SPDYA: variants seen among roughly 807,000 people sequenced by gnomAD.
SPDYA encodes speedy protein A.
A neutral mutation model predicts 36.7 loss-of-function variants in SPDYA; 11 were observed. That is an observed-to-expected ratio of 0.30 (90% CI 0.19 to 0.50). The LOEUF is 0.50. Ranked by LOEUF, SPDYA falls within the 20% of genes least tolerant of loss-of-function variation. The pLI, the probability that SPDYA is intolerant of heterozygous loss-of-function variation, is 0.98. For missense variants in SPDYA, 287 were observed against 370.9 expected, an observed-to-expected ratio of 0.77 and a Z score of 1.86; for synonymous variants, 115 against 118.7, an observed-to-expected ratio of 0.97 and a Z score of 0.20.
rs867420395 is a variant in SPDYA, at chr2:28,811,261, C to G, written c.-93+314C>G. On this transcript the variant is annotated intron_variant, in intron 1 of 7. Coordinates refer to ENST00000334056, the MANE Select transcript of SPDYA (RefSeq NM_182756.4). The surrounding 1 kb of genome is among the most constrained non-coding windows in gnomAD (Gnocchi z 4.2). ...GTTCCAGGGGAAGGACGGGCAGGGC[C>G]GATACCGGAGGCTGCTCCCGAAGCT... 6.6e-6 allele frequency: 1 copy of G among 152,236 alleles called. No homozygotes were observed. Among genetic ancestry groups the G allele is most frequent in the African/African-American group, 2.4e-5 (1 of 41,452 alleles). 9.4% of individuals were successfully genotyped at this position (152,236 alleles called of 1,614,324 possible).
intron 7 of SPDYA, among the ~76,000 whole-genome samples, chr2:28,845,812 T>A (rs1174705455): frequency 6.6e-6 from 1 of 152,174 alleles, no homozygotes; most frequent in Non-Finnish European, 1.5e-5. Context: ...CCCAAAGTGC[T>A]GGGATTACAG....
intron 4 of SPDYA, among the ~76,000 whole-genome samples, chr2:28,819,484 G>A (rs1456666507): frequency 6.6e-6 from 1 of 151,792 alleles, no homozygotes; most frequent in Non-Finnish European, 1.5e-5. Context: ...TTCCAGCTTG[G>A]ACAATAGAGC....
At chr2:28,839,484 G>C (rs1668693349) in intron 6 of SPDYA, among the ~76,000 whole-genome samples, 1 of 151,968 alleles carries the variant, frequency 6.6e-6, no homozygotes, top group East Asian at 1.9e-4. Context: ...ACATAGCTGG[G>C]AACCTTAATT....
At chr2:28,843,595 A>G (rs962090717) in intron 7 of SPDYA, among the ~76,000 whole-genome samples, 4 of 151,592 alleles carry the variant, frequency 2.6e-5, no homozygotes, top group African/African-American at 9.7e-5. Flanking sequence ...TAGATGAAGC[A>G]TTCTTTTTTT....
chr2:28,829,417 G>GTTT (rs369022955), intron 6 of SPDYA, 98 bp downstream of exon 6: 1,462 of 852,146 alleles, frequency 1.7e-3, no homozygotes, highest in South Asian at 2.2e-3. Context: ...GGTATTCTGG[G>GTTT]TTTTTTTTTT....
chr2:28,816,739 A>G (rs1211653509), intron 3 of SPDYA, among the ~76,000 whole-genome samples: 1 of 152,220 alleles, frequency 6.6e-6, no homozygotes, highest in Non-Finnish European at 1.5e-5. Flanking sequence ...TCATGTCCAT[A>G]TAATGAAACT....
At chr2:28,827,924 C>T (rs1341806802) in intron 5 of SPDYA, among the ~76,000 whole-genome samples, 3 of 152,084 alleles carry the variant, frequency 2.0e-5, no homozygotes, top group African/African-American at 7.2e-5. Context: ...TCTCCAATTC[C>T]GCCTGTTTCT....
chr2:28,811,452 G>A lies in SPDYA; in HGVS notation c.-93+505G>A, dbSNP rs1667841961. 6.6e-6 allele frequency among the ~76,000 whole-genome samples: 1 copy of A among 152,124 alleles called. No homozygotes were observed. The highest frequency in any genetic ancestry group is 2.1e-4 in the South Asian group (1 of 4,828). On this transcript the variant is annotated intron_variant, in intron 1 of 7. Coordinates refer to ENST00000334056, the MANE Select transcript of SPDYA (RefSeq NM_182756.4). This position sits in a 1 kb window ranked among gnomAD's most constrained non-coding sequence, Gnocchi z 4.2. ...TTTGTCCCCAAGATCGTCTGCCCCAGAATTTTGAGATCTGAGCTGCTGTGT... is the reference window on the plus strand; with the variant it reads ...TTTGTCCCCAAGATCGTCTGCCCCAAAATTTTGAGATCTGAGCTGCTGTGT...
chr2:28,848,023 G>A (rs1668926530), intron 7 of SPDYA, among the ~76,000 whole-genome samples: 1 of 152,152 alleles, frequency 6.6e-6, no homozygotes, highest in South Asian at 2.1e-4. Context: ...GTTTGTGTAA[G>A]TACACTATGT....
chr2:28,836,126 A>T (rs1052828086), intron 6 of SPDYA, among the ~76,000 whole-genome samples: 1 of 152,242 alleles, frequency 6.6e-6, no homozygotes, highest in African/African-American at 2.4e-5. Context: ...TTTTACAGAA[A>T]TTATCACACA....
chr2:28,844,606 G>A (rs1301348338), intron 7 of SPDYA, among the ~76,000 whole-genome samples: 1 of 152,180 alleles, frequency 6.6e-6, no homozygotes, highest in Non-Finnish European at 1.5e-5. Context: ...AAGCTGTGAT[G>A]TTCGGTGGTT....
At chr2:28,848,667 A>T (rs1668949061) in intron 7 of SPDYA, among the ~76,000 whole-genome samples, 1 of 152,212 alleles carries the variant, frequency 6.6e-6, no homozygotes, top group Admixed American at 6.5e-5. Flanking sequence ...ATTTACACAC[A>T]TGTATAATTT....
intron 7 of SPDYA, 93 bp from the exon 8 acceptor site, chr2:28,849,757 T>C (rs1668988988): frequency 1.2e-5 from 8 of 660,992 alleles, no homozygotes; most frequent in Non-Finnish European, 2.0e-5. Flanking sequence ...CAGATTTCCT[T>C]ATTATTTTTT....
At chr2:28,817,510 G>A (rs1320274781) in intron 3 of SPDYA, among the ~76,000 whole-genome samples, 1 of 150,418 alleles carries the variant, frequency 6.6e-6, no homozygotes, top group Non-Finnish European at 1.5e-5. Context: ...GCGGTGAGCC[G>A]AGATCGCACC....
chr2:28,811,866 G>A lies in SPDYA; in HGVS notation c.-93+919G>A, dbSNP rs951661329. On this transcript the variant is annotated intron_variant, in intron 1 of 7. Transcript: ENST00000334056. This position sits in a 1 kb window ranked among gnomAD's most constrained non-coding sequence, Gnocchi z 4.2. Reference sequence around the variant, plus strand: ...AGCTCCTCGGGAGGCTGAGGCGGGAGAATCGCTTGAACCCGGGAGGCAGAG... The same window carrying A: ...AGCTCCTCGGGAGGCTGAGGCGGGAAAATCGCTTGAACCCGGGAGGCAGAG... Among the ~76,000 whole-genome samples, 2 of 152,162 alleles carry A rather than the reference G, an allele frequency of 1.3e-5. No homozygotes were observed. Among genetic ancestry groups the A allele is most frequent in the Non-Finnish European group, 2.9e-5 (2 of 68,032 alleles).
chr2:28,821,714 T>C (rs1029755721), intron 4 of SPDYA, among the ~76,000 whole-genome samples: 1 of 152,232 alleles, frequency 6.6e-6, no homozygotes, highest in African/African-American at 2.4e-5. Flanking sequence ...TACATTATTA[T>C]AACTTGTTTT....
At chr2:28,847,745 CA>C (rs10648612) in intron 7 of SPDYA, among the ~76,000 whole-genome samples, 16 of 137,466 alleles carry the variant, frequency 1.2e-4, no homozygotes, top group South Asian at 2.4e-4. Context: ...GACTCTGTCT[CA>C]AAAAAAAAAA....
In SPDYA at chr2:28,829,281, G is replaced by T; in HGVS notation, c.514G>T (p.Asp172Tyr). The T allele has an allele frequency of 1.2e-6, 2 of 1,613,936 alleles. No individual in the cohort carries two copies. Among genetic ancestry groups the T allele is most frequent in the South Asian group, 1.1e-5 (1 of 91,040 alleles). Reference protein sequence around the residue: ...KLRDQLWDRIDYRAIVSRRCC... With the variant: ...KLRDQLWDRIYYRAIVSRRCC... ...AAGGGACCAGCTCTGGGATAGAATT[G>T]ACTATAGGGCTATTGTAAGCAGGCG... The change falls in exon 6 of 8, where the codon GAC (aspartate) becomes TAC (tyrosine). Residue 172 changes from aspartate to tyrosine, a missense_variant. Transcript: ENST00000334056.
At position 28,822,342 on chromosome 2, in the gene SPDYA, C is replaced by T; in HGVS notation, c.312C>T (p.Thr104=). 6.4e-7 allele frequency: 1 copy of T among 1,553,592 alleles called. No individual in the cohort carries two copies. Among genetic ancestry groups the T allele is most frequent in the East Asian group, 2.3e-5 (1 of 43,596 alleles). ...KIADKYLLAM[T]FVYFKRAKFT... ...CCTTATAGTATCTTTTGGCTATGAC[C>T]TTTGTTTATTTCAAGAGGGCTAAAT... The change falls in exon 5 of 8, where the codon ACC becomes ACT. Residue 104 remains threonine (T), a synonymous_variant. Coordinates refer to ENST00000334056, the MANE Select transcript of SPDYA (RefSeq NM_182756.4).
Sources: gnomAD v4.1 joint callset for allele counts (sites outside exome capture counted in the v4.1 genomes callset) on GRCh38, gnomAD v4.1.1 for gene constraint, Gnocchi (gnomAD v3.1) non-coding constraint, MANE v1.5 for transcripts, NCBI Gene and HGNC (gene_info 2026-07-23, HGNC 2026-07-21) for gene names.